Variants in HDAC9 observed in about 807,000 individuals in gnomAD.
The protein encoded by HDAC9 is MEF-2 interacting transcription repressor (MITR) protein.
A neutral mutation model predicts 139.4 loss-of-function variants in HDAC9; 41 were observed. That is an observed-to-expected ratio of 0.29 (90% CI 0.23 to 0.38). The LOEUF is 0.38. Ranked by LOEUF, HDAC9 falls within the 10% of genes least tolerant of loss-of-function variation. The pLI, the probability that HDAC9 is intolerant of heterozygous loss-of-function variation, is 1.00. For synonymous variants in HDAC9, 517 were observed against 476.2 expected (o/e 1.09, Z -1.12); for missense variants, 1,147 against 1,297.0 (o/e 0.88, Z 1.78).
intron 16 of HDAC9, among the ~76,000 whole-genome samples, chr7:18,774,931 G>A (rs1790628426): frequency 6.6e-6 from 1 of 152,014 alleles, no homozygotes. Context: ...TCTAGCTTTT[G>A]ATTGAGAGTG....
chr7:18,934,103 T>C lies in HDAC9; in HGVS notation c.2804-1706T>C, dbSNP rs148418974. 4.3e-3 allele frequency among the ~76,000 whole-genome samples: 649 copies of C among 152,024 alleles called. 5 individuals carry two copies. The highest frequency in any genetic ancestry group is 0.015 in the African/African-American group (609 of 41,484). ...TAAACAAACATTTTATTTCAGCAAATTTAAACAATGAAATAAAAGAAGGAA... is the reference window on the plus strand; with the variant it reads ...TAAACAAACATTTTATTTCAGCAAACTTAAACAATGAAATAAAAGAAGGAA... On this transcript the variant is annotated intron_variant, in intron 22 of 25. Transcript: ENST00000686413.
intron 24 of HDAC9, among the ~76,000 whole-genome samples, chr7:18,963,328 T>G (rs1402716451): frequency 6.6e-6 from 1 of 152,210 alleles, no homozygotes; most frequent in African/African-American, 2.4e-5. Flanking sequence ...CTTTGTCCAC[T>G]CCTGGGTTCA....
chr7:18,207,827 G>A (rs927669476), intron 2 of HDAC9, among the ~76,000 whole-genome samples: 3 of 151,948 alleles, frequency 2.0e-5, no homozygotes, highest in Admixed American at 6.6e-5. Flanking sequence ...CAATTCTCCT[G>A]TCTCAGCCTT....
At chr7:18,183,006 A>G (rs986243872) in intron 2 of HDAC9, among the ~76,000 whole-genome samples, 2 of 145,652 alleles carry the variant, frequency 1.4e-5, no homozygotes, top group African/African-American at 2.7e-5. Flanking sequence ...GTCACTTAAC[A>G]TATGATTTTT....
chr7:18,565,021 G>C (rs1356044731), intron 2 of HDAC9, among the ~76,000 whole-genome samples: 5 of 150,246 alleles, frequency 3.3e-5, no homozygotes, highest in African/African-American at 1.2e-4. Context: ...TTTTGAGGCG[G>C]AGTTTCACTC....
At chr7:18,968,067 C>A (rs1488054873) in intron 24 of HDAC9, among the ~76,000 whole-genome samples, 1 of 152,036 alleles carries the variant, frequency 6.6e-6, no homozygotes, top group African/African-American at 2.4e-5. Context: ...GAGGCCGAGG[C>A]AAGAGAATCG....
At chr7:18,388,195 G>C (rs1281174772) in intron 1 of HDAC9, among the ~76,000 whole-genome samples, 1 of 152,160 alleles carries the variant, frequency 6.6e-6, no homozygotes, top group Non-Finnish European at 1.5e-5. Context: ...GTGTGGCTAA[G>C]ATAATCAAAT....
intron 22 of HDAC9, among the ~76,000 whole-genome samples, chr7:18,878,022 C>T (rs549656432): frequency 1.3e-5 from 2 of 152,260 alleles, no homozygotes; most frequent in African/African-American, 4.8e-5. Context: ...CAGCATCAAA[C>T]TGTACCTTGA....
chr7:18,927,446 C>T (rs921747623), intron 22 of HDAC9, among the ~76,000 whole-genome samples: 4 of 152,098 alleles, frequency 2.6e-5, no homozygotes, highest in African/African-American at 7.2e-5. Context: ...TAAAGAATAA[C>T]ATGGTAACTT....
At chr7:18,871,088 A>G (rs761288269) in intron 21 of HDAC9, among the ~76,000 whole-genome samples, 1 of 152,148 alleles carries the variant, frequency 6.6e-6, no homozygotes, top group Non-Finnish European at 1.5e-5. Context: ...TGTAAGAAAG[A>G]GCTGTTTTCT....
intron 1 of HDAC9, among the ~76,000 whole-genome samples, chr7:18,312,621 A>G (rs1180493936): frequency 1.3e-5 from 2 of 152,060 alleles, no homozygotes; most frequent in African/African-American, 2.4e-5. Flanking sequence ...TGAGTCCTCT[A>G]TATGGTCTTT....
intron 1 of HDAC9, among the ~76,000 whole-genome samples, chr7:18,369,245 A>T (rs958450516): frequency 2.0e-5 from 3 of 152,140 alleles, no homozygotes; most frequent in Non-Finnish European, 4.4e-5. Flanking sequence ...TCAATGTAAC[A>T]GCAGAATAGT....
intron 2 of HDAC9, among the ~76,000 whole-genome samples, chr7:18,189,129 G>A (rs1405853338): frequency 6.6e-6 from 1 of 152,160 alleles, no homozygotes; most frequent in Non-Finnish European, 1.5e-5. Flanking sequence ...TAAAGAAAAT[G>A]TGGTACATAT....
chr7:18,118,303 C>A (rs1392180405), intron 1 of HDAC9, among the ~76,000 whole-genome samples: 2 of 152,114 alleles, frequency 1.3e-5, no homozygotes, highest in African/African-American at 4.8e-5. Flanking sequence ...CTTATGGTTC[C>A]TTGATGGGAA....
chr7:18,741,840 C>A (rs1035898061), intron 13 of HDAC9, among the ~76,000 whole-genome samples: 13 of 152,046 alleles, frequency 8.6e-5, no homozygotes, highest in African/African-American at 2.9e-4. Flanking sequence ...GATTCCAGTT[C>A]TCATGGATGA....
chr7:18,122,595 T>C (rs138158684), intron 1 of HDAC9, among the ~76,000 whole-genome samples: 1 of 152,200 alleles, frequency 6.6e-6, no homozygotes, highest in Non-Finnish European at 1.5e-5. Flanking sequence ...ATTCTAAGGA[T>C]TTGGGTCTAT....
intron 2 of HDAC9, among the ~76,000 whole-genome samples, chr7:18,284,120 G>A (rs1797281128): frequency 6.6e-6 from 1 of 151,980 alleles, no homozygotes; most frequent in East Asian, 1.9e-4. Flanking sequence ...TGTTCCCATT[G>A]GCTTTTTTGT....
chr7:18,386,032 TA>T (rs1412405602), intron 1 of HDAC9, among the ~76,000 whole-genome samples: 7 of 152,208 alleles, frequency 4.6e-5, no homozygotes, highest in African/African-American at 1.7e-4. Context: ...TGATTATACT[TA>T]TTCATTTTCT....
intron 2 of HDAC9, among the ~76,000 whole-genome samples, chr7:18,555,215 C>T (rs1336850898): frequency 6.6e-6 from 1 of 152,130 alleles, no homozygotes; most frequent in East Asian, 1.9e-4. Flanking sequence ...CAGTAGGTAT[C>T]AAGAGATTTA....
Sources: gnomAD v4.1 joint callset for allele counts (sites outside exome capture counted in the v4.1 genomes callset) on GRCh38, gnomAD v4.1.1 for gene constraint, MANE v1.5 for transcripts, NCBI Gene and HGNC (gene_info 2026-07-23, HGNC 2026-07-21) for gene names.